The following PAICS variants were observed in gnomAD, a reference collection of about 807,000 sequenced individuals.
The protein encoded by PAICS is phosphoribosylaminoimidazole carboxylase and phosphoribosylaminoimidazolesuccinocarboxamide synthase, also known as bifunctional phosphoribosylaminoimidazole carboxylase/phosphoribosylaminoimidazole succinocarboxamide synthetase.
In PAICS, 33 loss-of-function variants were observed where a neutral mutation model predicts 53.7. The ratio of observed to expected loss-of-function variants is 0.61; its 90% CI spans 0.47 to 0.82. PAICS has a LOEUF of 0.82. PAICS is among the 40% of genes least tolerant of loss of function. The probability of loss-of-function intolerance (pLI) is 0.00; values close to 1 mark genes in which losing one functional copy is unlikely to be tolerated. For missense variants in PAICS, 394 were observed against 494.1 expected, an observed-to-expected ratio of 0.80 and a Z score of 1.92; for synonymous variants, 141 against 167.2, an observed-to-expected ratio of 0.84 and a Z score of 1.21.
chr4:56,458,282 CT>C (rs35249885), intron 8 of PAICS, among the ~76,000 whole-genome samples: 45,100 of 146,690 alleles, frequency 0.31, 7,157 homozygotes, highest in East Asian at 0.48. Context: ...CACTAGATAA[CT>C]TTTTTTTTTT....
chr4:56,429,117 G>A, the PAICS span: 1 of 169,874 alleles, frequency 5.9e-6, no homozygotes, highest in Admixed American at 6.5e-5. Flanking sequence ...TAAATATATT[G>A]TTTATGAACT....
intron 2 of PAICS, 156 bp downstream of exon 2, chr4:56,442,016 A>C (rs2110083208): frequency 1.1e-5 from 6 of 560,450 alleles, no homozygotes. Context: ...ACTTCACTAT[A>C]ACACCTTATT....
At position 56,463,762 on chromosome 4, in the gene PAICS, A is replaced by T. The variant is rs1719592580; in HGVS notation, c.*4224A>T. 1 of 151,928 alleles carries T rather than the reference A, an allele frequency of 6.6e-6. No homozygotes were observed. The highest frequency in any genetic ancestry group is 1.5e-5 in the Non-Finnish European group (1 of 67,994). The allele number at this position is 151,928 out of a possible 1,614,324, so 9.4% of individuals were successfully genotyped here. A position where few individuals can be genotyped will look rare whatever the true frequency, so the allele number is the denominator to read the frequency against. ...GCTAAATCCATTAATATAAAAATACATTGTGGATACTGATGAGATGGCTAA... is the reference window on the plus strand; with the variant it reads ...GCTAAATCCATTAATATAAAAATACTTTGTGGATACTGATGAGATGGCTAA... On this transcript the variant is annotated 3_prime_UTR_variant, in exon 9 of 9. Coordinates refer to ENST00000512576, the MANE Select transcript of PAICS (RefSeq NM_001079524.2).
At chr4:56,447,973 T>A (rs1025106316) in intron 3 of PAICS, among the ~76,000 whole-genome samples, 4 of 151,666 alleles carry the variant, frequency 2.6e-5, no homozygotes, top group African/African-American at 9.7e-5. Flanking sequence ...GGGACTACAG[T>A]GTGAGCCACT....
At chr4:56,416,298 C>G in the PAICS span, 1 of 199,880 alleles carries the variant, frequency 5.0e-6, no homozygotes, top group East Asian at 1.9e-4. Context: ...TTAGCTAAAG[C>G]TATTAGAATT....
Position 56,450,499 on chromosome 4 carries a change from AT to A in PAICS, c.688-116del, listed in dbSNP as rs572518861. The A allele has an allele frequency of 4.7e-4, 287 of 608,968 alleles. 1 individual carries two copies. Among genetic ancestry groups the A allele is most frequent in the Admixed American group, 1.8e-3 (62 of 34,080 alleles). The allele number at this position is 608,968 out of a possible 1,614,324, so 37.7% of individuals were successfully genotyped here. The stretch of plus-strand genomic sequence containing the variant: ...TTTAATTCAGGAAGTGAAAAGATGC[AT>A]TTTCAGAAGTATCCCTTGCTATACA... On this transcript the variant is annotated intron_variant, in intron 5 of 8. Transcript: ENST00000512576.
rs57161391 is a variant in PAICS at position 56,437,256 on chromosome 4, GGTGTGTGTGTGTGTGTGT to G, written c.16+953_16+970del. On this transcript the variant is annotated intron_variant, in intron 1 of 8. Transcript: ENST00000512576. Reference sequence around the variant, plus strand: ...TTTAGGTAGTCTTTGATGCCATGATGGTGTGTGTGTGTGTGTGTGTGTGTGTGTGTGTGTGTGTGTGTT... The same window carrying G: ...TTTAGGTAGTCTTTGATGCCATGATGGTGTGTGTGTGTGTGTGTGTGTGTT... 2.3e-4 allele frequency among the ~76,000 whole-genome samples: 29 copies of G among 124,402 alleles called. No homozygotes were observed. The South Asian group carries it at 2.5e-3, about 11-fold the overall frequency. 81.6% of individuals were successfully genotyped at this position (124,402 alleles called of 152,430 possible).
At chr4:56,410,773 G>T in the PAICS span, 1 of 987,258 alleles carries the variant, frequency 1.0e-6, no homozygotes. Flanking sequence ...CTAAAACTAT[G>T]AAGTTCTTCC....
chr4:56,415,899 G>A, the PAICS span, among the ~76,000 whole-genome samples: 11 of 152,002 alleles, frequency 7.2e-5, no homozygotes, highest in African/African-American at 2.7e-4. Flanking sequence ...GTGAAACCTC[G>A]TGTCTACTAA....
intron 8 of PAICS, among the ~76,000 whole-genome samples, chr4:56,455,110 C>A (rs1354009866): frequency 1.3e-5 from 2 of 152,046 alleles, no homozygotes; most frequent in Non-Finnish European, 2.9e-5. Context: ...AAGATTGTAC[C>A]AATGGATTCC....
At chr4:56,433,140 C>T (rs754229115), upstream of PAICS, among the ~76,000 whole-genome samples, 9 of 151,802 alleles carry the variant, frequency 5.9e-5, no homozygotes, top group Non-Finnish European at 8.8e-5. Context: ...ATCAGTCCTC[C>T]CAAAGGATGA....
the PAICS span, among the ~76,000 whole-genome samples, chr4:56,413,261 A>T: frequency 3.9e-5 from 6 of 152,248 alleles, no homozygotes; most frequent in Middle Eastern, 3.4e-3. Flanking sequence ...GGTTCAAGCG[A>T]TTCTCCTGCC....
chr4:56,436,422 C>T (rs1717965973), intron 1 of PAICS, 94 bp downstream of exon 1: 1 of 1,063,768 alleles, frequency 9.4e-7, no homozygotes, highest in East Asian at 2.6e-5. Flanking sequence ...TGTCCCGCCT[C>T]CCTGCAGCAG....
At chr4:56,424,655 A>C in the PAICS span, among the ~76,000 whole-genome samples, 1 of 152,226 alleles carries the variant, frequency 6.6e-6, no homozygotes. Context: ...CCTGGTCTGA[A>C]GCATAAGCGA....
chr4:56,439,929 G>A (rs1718252073), intron 1 of PAICS, among the ~76,000 whole-genome samples: 2 of 152,144 alleles, frequency 1.3e-5, no homozygotes, highest in South Asian at 2.1e-4. Flanking sequence ...CTGGCCAGAC[G>A]TTTCTTGTTC....
At chr4:56,411,997 AATCG>A in the PAICS span, among the ~76,000 whole-genome samples, 2 of 152,218 alleles carry the variant, frequency 1.3e-5, no homozygotes, top group African/African-American at 4.8e-5. Flanking sequence ...ATTAAACAGC[AATCG>A]CATTATTTTA....
chr4:56,435,495 G>T (rs754845652), upstream of PAICS: 3 of 1,613,024 alleles, frequency 1.9e-6, no homozygotes, highest in East Asian at 2.2e-5. Context: ...CCGAAAGCAC[G>T]TGGAAGGACC....
intron 1 of PAICS, chr4:56,436,620 T>C: frequency 1.5e-6 from 1 of 664,588 alleles, no homozygotes; most frequent in Non-Finnish European, 2.8e-6. Flanking sequence ...AAATCAGTCT[T>C]GATTCGTCAA....
chr4:56,435,638 G>A (rs1032666518), upstream of PAICS: 3 of 1,445,762 alleles, frequency 2.1e-6, no homozygotes, highest in East Asian at 2.5e-5. Context: ...GCTGTCCCTA[G>A]GTGGCGTGGC....
Sources: gnomAD v4.1 joint callset for allele counts (sites outside exome capture counted in the v4.1 genomes callset) on GRCh38, gnomAD v4.1.1 for gene constraint, MANE v1.5 for transcripts, NCBI Gene and HGNC (gene_info 2026-07-23, HGNC 2026-07-21) for gene names.